Variants in SRRM4 observed in about 807,000 individuals in gnomAD.
SRRM4 encodes serine/arginine repetitive matrix 4.
In SRRM4, 33 loss-of-function variants were observed where a neutral mutation model predicts 68.9. That is an observed-to-expected ratio of 0.48 (90% CI 0.36 to 0.64). The LOEUF is 0.64. Among genes scored for constraint, SRRM4 ranks in the 30% least tolerant of loss-of-function variants. SRRM4 has a pLI of 0.00. For missense variants in SRRM4, 817 were observed against 827.1 expected, an observed-to-expected ratio of 0.99 and a Z score of 0.15; for synonymous variants, 318 against 318.8, an observed-to-expected ratio of 1.00 and a Z score of 0.03.
chr12:119,077,437 A>G (rs1300671117), intron 1 of SRRM4, among the ~76,000 whole-genome samples: 4 of 152,112 alleles, frequency 2.6e-5, no homozygotes, highest in Non-Finnish European at 5.9e-5. Flanking sequence ...AAGTTATTTT[A>G]TCTTTTTGAA....
chr12:119,061,867 C>A (rs1439265581), intron 1 of SRRM4, among the ~76,000 whole-genome samples: 2 of 151,964 alleles, frequency 1.3e-5, no homozygotes, highest in African/African-American at 4.8e-5. Flanking sequence ...TTGTGACAAC[C>A]AAAAGTGTCT....
At chr12:119,040,593 G>A (rs893579052) in intron 1 of SRRM4, among the ~76,000 whole-genome samples, 1 of 152,002 alleles carries the variant, frequency 6.6e-6, no homozygotes, top group Non-Finnish European at 1.5e-5. Flanking sequence ...TTATCCATTC[G>A]TTGACTTGAT....
At chr12:118,991,231 C>T (rs1953314856) in intron 1 of SRRM4, among the ~76,000 whole-genome samples, 1 of 152,190 alleles carries the variant, frequency 6.6e-6, no homozygotes, top group African/African-American at 2.4e-5. Flanking sequence ...TGTTTAGTTG[C>T]ATCTTATTCC....
chr12:119,032,250 A>C (rs1953596710), intron 1 of SRRM4, among the ~76,000 whole-genome samples: 1 of 152,168 alleles, frequency 6.6e-6, no homozygotes, highest in African/African-American at 2.4e-5. Flanking sequence ...GGTGTGTGGA[A>C]ATACCAATCC....
intron 3 of SRRM4, among the ~76,000 whole-genome samples, chr12:119,114,734 G>A (rs111792417): frequency 0.049 from 6,980 of 141,100 alleles, 213 homozygotes; most frequent in African/African-American, 0.088. Flanking sequence ...GCATGATCTC[G>A]GCTCCCTGCA....
intron 1 of SRRM4, among the ~76,000 whole-genome samples, chr12:119,020,396 T>A (rs1299834200): frequency 6.6e-6 from 1 of 152,214 alleles, no homozygotes; most frequent in Non-Finnish European, 1.5e-5. Context: ...ACGACCAGTA[T>A]GGTAGATAAA....
chr12:118,982,688 T>G (rs1244439919), intron 1 of SRRM4, among the ~76,000 whole-genome samples: 4 of 141,786 alleles, frequency 2.8e-5, no homozygotes, highest in South Asian at 4.4e-4. Context: ...TGTTTTTTTT[T>G]TTTTTTTCCA....
chr12:119,027,656 G>A (rs1953557854), intron 1 of SRRM4, among the ~76,000 whole-genome samples: 1 of 152,066 alleles, frequency 6.6e-6, no homozygotes, highest in African/African-American at 2.4e-5. Flanking sequence ...AGATAACCTG[G>A]GGGGGCACTT....
rs34186549 is a variant in SRRM4 at position 119,125,483 on chromosome 12, A to AC, written c.614+8dup. On this transcript the variant is annotated splice_donor_region_variant and intron_variant, in intron 7 of 12. Coordinates refer to ENST00000267260, the MANE Select transcript of SRRM4 (RefSeq NM_194286.4). ...GCCCCTCAAGCTGTGAGAGCAGGTA[A>AC]CCCCTTGCCCCAGGATCCTCTTCTG... 793,995 of 1,610,246 alleles carry AC rather than the reference A, an allele frequency of 0.49. 197,965 individuals carry two copies. Among genetic ancestry groups the AC allele is most frequent in the East Asian group, 0.57 (25,237 of 44,664 alleles).
At chr12:119,087,975 A>G (rs1340957218) in intron 1 of SRRM4, among the ~76,000 whole-genome samples, 2 of 152,164 alleles carry the variant, frequency 1.3e-5, no homozygotes, top group East Asian at 3.8e-4. Context: ...CTTAAATGAA[A>G]TGATGGGTTT....
rs1158951473 is a variant in SRRM4, at chr12:119,114,115, C to G, written c.279-163C>G. 7.4e-6 allele frequency: 4 copies of G among 543,800 alleles called. No homozygotes were observed. The South Asian group carries it at 7.9e-5, about 11-fold the overall frequency. 33.7% of individuals were successfully genotyped at this position (543,800 alleles called of 1,614,324 possible). On this transcript the variant is annotated intron_variant, in intron 2 of 12. Coordinates refer to ENST00000267260, the MANE Select transcript of SRRM4 (RefSeq NM_194286.4). ...TCGGCATTAAGTCCTTATTTAGGTA[C>G]TTAGTCTGAAGTGTGACCCAATCAG...
chr12:119,117,529 C>T (rs903710838), intron 4 of SRRM4, among the ~76,000 whole-genome samples: 1 of 152,056 alleles, frequency 6.6e-6, no homozygotes, highest in African/African-American at 2.4e-5. Context: ...CATGCTGGTG[C>T]ATGGGGATGC....
intron 1 of SRRM4, among the ~76,000 whole-genome samples, chr12:119,015,302 A>G (rs564026742): frequency 4.3e-4 from 66 of 152,298 alleles, no homozygotes; most frequent in African/African-American, 1.6e-3. Flanking sequence ...CAGAGCAGCC[A>G]TCACCTCTTC....
At chr12:119,127,190 C>T (rs1042080912) in intron 7 of SRRM4, among the ~76,000 whole-genome samples, 3 of 151,266 alleles carry the variant, frequency 2.0e-5, no homozygotes, top group African/African-American at 7.3e-5. Flanking sequence ...ATACATGTAC[C>T]CTAAAACTTA....
At chr12:119,096,371 A>G (rs991201579) in intron 1 of SRRM4, among the ~76,000 whole-genome samples, 1 of 152,024 alleles carries the variant, frequency 6.6e-6, no homozygotes, top group Non-Finnish European at 1.5e-5. Flanking sequence ...ACAGCTGCTG[A>G]TGTTCTTGCC....
chr12:119,065,159 G>A (rs1296788326), intron 1 of SRRM4, among the ~76,000 whole-genome samples: 1 of 152,064 alleles, frequency 6.6e-6, no homozygotes, highest in African/African-American at 2.4e-5. Flanking sequence ...AGCTAATAAG[G>A]GGTAGGACCA....
At chr12:119,051,432 C>T (rs1230358683) in intron 1 of SRRM4, among the ~76,000 whole-genome samples, 1 of 152,148 alleles carries the variant, frequency 6.6e-6, no homozygotes, top group African/African-American at 2.4e-5. Context: ...TGAAATGGAA[C>T]CCAAGCATGC....
chr12:119,102,944 T>C (rs541415566), intron 2 of SRRM4, among the ~76,000 whole-genome samples: 1 of 152,292 alleles, frequency 6.6e-6, no homozygotes, highest in Non-Finnish European at 1.5e-5. Context: ...TACTCAGCAT[T>C]TTACTGAGGC....
intron 1 of SRRM4, among the ~76,000 whole-genome samples, chr12:119,058,662 CT>C (rs1953791919): frequency 6.6e-6 from 1 of 152,204 alleles, no homozygotes; most frequent in Non-Finnish European, 1.5e-5. Context: ...GTGTCAGCTA[CT>C]ATCAGAAATC....
Sources: allele counts gnomAD v4.1 joint callset (sites outside exome capture counted in the v4.1 genomes callset), GRCh38; gene constraint gnomAD v4.1.1; transcripts MANE v1.5; gene names NCBI Gene and HGNC (gene_info 2026-07-23, HGNC 2026-07-21).